Variants in FHIT observed in about 807,000 individuals in gnomAD.
FHIT encodes the protein fragile histidine triad diadenosine triphosphatase.
A neutral mutation model predicts 17.9 loss-of-function variants in FHIT; 19 were observed. The ratio of observed to expected loss-of-function variants is 1.06; its 90% CI spans 0.74 to 1.56. The LOEUF (loss-of-function observed/expected upper bound fraction) is 1.56, where lower values mean the gene tolerates loss of function less well. Among genes scored for constraint, FHIT ranks in the 40% most tolerant of loss-of-function variants. The pLI, the probability that FHIT is intolerant of heterozygous loss-of-function variation, is 0.00. For missense variants in FHIT, 248 were observed against 189.2 expected, an observed-to-expected ratio of 1.31 and a Z score of -1.82; for synonymous variants, 81 against 69.7, an observed-to-expected ratio of 1.16 and a Z score of -0.81.
At chr3:59,769,077 AAT>A (rs1400378732) in intron 8 of FHIT, among the ~76,000 whole-genome samples, 1 of 152,230 alleles carries the variant, frequency 6.6e-6, no homozygotes, top group Non-Finnish European at 1.5e-5. Context: ...CAGAAGGGCA[AAT>A]AAAAGGTATG....
chr3:61,061,923 TAC>T (rs1354676156), intron 2 of FHIT, among the ~76,000 whole-genome samples: 1 of 152,216 alleles, frequency 6.6e-6, no homozygotes, highest in Non-Finnish European at 1.5e-5. Flanking sequence ...CATTTTTGCA[TAC>T]AGACATATAT....
At chr3:60,234,082 CT>C (rs1704640072) in intron 5 of FHIT, among the ~76,000 whole-genome samples, 1 of 152,318 alleles carries the variant, frequency 6.6e-6, no homozygotes, top group East Asian at 1.9e-4. Context: ...GGGACCTTGT[CT>C]GTCCAGTTCA....
intron 2 of FHIT, among the ~76,000 whole-genome samples, chr3:61,144,524 G>A (rs1240167017): frequency 6.6e-6 from 1 of 152,148 alleles, no homozygotes; most frequent in African/African-American, 2.4e-5. Context: ...GTTTTTGTGT[G>A]GATATGTTTT....
chr3:60,934,405 A>C (rs1400046483), intron 3 of FHIT, among the ~76,000 whole-genome samples: 1 of 152,216 alleles, frequency 6.6e-6, no homozygotes, highest in Non-Finnish European at 1.5e-5. Context: ...CTTTACATCT[A>C]TTAGCCATTG....
At chr3:61,198,583 G>A (rs908594919) in intron 2 of FHIT, among the ~76,000 whole-genome samples, 2 of 152,056 alleles carry the variant, frequency 1.3e-5, no homozygotes, top group Non-Finnish European at 2.9e-5. Flanking sequence ...AATTCTTGAA[G>A]AAGCTAACTA....
chr3:60,441,097 A>G (rs1459931091), intron 5 of FHIT, among the ~76,000 whole-genome samples: 1 of 152,048 alleles, frequency 6.6e-6, no homozygotes, highest in East Asian at 1.9e-4. Flanking sequence ...AAGTCCCATA[A>G]GGTAGAACCA....
intron 1 of FHIT, among the ~76,000 whole-genome samples, chr3:61,228,000 T>G (rs1008729751): frequency 2.0e-5 from 3 of 152,290 alleles, no homozygotes; most frequent in Admixed American, 6.5e-5. Context: ...TCACCAGCAA[T>G]GACTTTAGCA....
intron 8 of FHIT, among the ~76,000 whole-genome samples, chr3:59,787,526 A>ACACACACACT (rs1205518012): frequency 1.3e-4 from 18 of 135,250 alleles, no homozygotes; most frequent in Admixed American, 9.0e-4. Context: ...ACACACACAC[A>ACACACACACT]CACGTCAAAG....
chr3:60,153,387 G>T (rs201498482), intron 5 of FHIT, among the ~76,000 whole-genome samples: 1 of 115,722 alleles, frequency 8.6e-6, no homozygotes, highest in African/African-American at 3.2e-5. Flanking sequence ...AAAAAAAAAA[G>T]AGGAGGTGGG....
intron 8 of FHIT, among the ~76,000 whole-genome samples, chr3:59,792,881 G>T (rs556912929): frequency 8.9e-5 from 13 of 145,746 alleles, no homozygotes; most frequent in Non-Finnish European, 1.7e-4. Context: ...TTGGGGGGGG[G>T]GGTCATGAAC....
chr3:61,082,557 G>A lies in FHIT; in HGVS notation c.-163-40458C>T, dbSNP rs150644758. 1.5e-3 allele frequency among the ~76,000 whole-genome samples: 234 copies of A among 152,140 alleles called. 6 individuals carry two copies. The East Asian group carries it at 0.04, about 26-fold the overall frequency. The stretch of plus-strand genomic sequence containing the variant: ...CTACGAACATTCTCACATTTTTAGC[G>A]TATATCTAGTAGAAGTGAAAGGTCA... On this transcript the variant is annotated intron_variant, in intron 2 of 9. Transcript: ENST00000492590.
chr3:60,226,198 C>T (rs943427719), intron 5 of FHIT, among the ~76,000 whole-genome samples: 8 of 152,066 alleles, frequency 5.3e-5, no homozygotes, highest in African/African-American at 1.4e-4. Context: ...GTTGGCTGGG[C>T]GCAGTGGCTC....
chr3:60,084,119 A>G (rs999738775), intron 5 of FHIT, among the ~76,000 whole-genome samples: 14 of 152,170 alleles, frequency 9.2e-5, no homozygotes, highest in Admixed American at 8.5e-4. Context: ...TTGTATAAGG[A>G]TTCATAAGTC....
chr3:60,189,633 G>A (rs1702312173), intron 5 of FHIT, among the ~76,000 whole-genome samples: 1 of 152,136 alleles, frequency 6.6e-6, no homozygotes, highest in Admixed American at 6.5e-5. Flanking sequence ...CATTTTACCT[G>A]ATAATGCGAT....
chr3:59,998,917 C>T (rs1487743646), intron 7 of FHIT, among the ~76,000 whole-genome samples: 1 of 152,142 alleles, frequency 6.6e-6, no homozygotes, highest in Non-Finnish European at 1.5e-5. Flanking sequence ...TCTATCTCAG[C>T]CCTGGTTGTC....
chr3:60,362,331 A>G (rs561809281), intron 5 of FHIT, among the ~76,000 whole-genome samples: 1 of 152,330 alleles, frequency 6.6e-6, no homozygotes, highest in African/African-American at 2.4e-5. Context: ...GCTGGTTGAT[A>G]TTGAGATACA....
chr3:60,057,148 T>C (rs2106908782), intron 5 of FHIT, among the ~76,000 whole-genome samples: 1 of 152,330 alleles, frequency 6.6e-6, no homozygotes, highest in East Asian at 1.9e-4. Flanking sequence ...TGTGAACACC[T>C]ACTAGAAGCC....
intron 8 of FHIT, among the ~76,000 whole-genome samples, chr3:59,827,967 C>G (rs1318501441): frequency 6.6e-6 from 1 of 152,130 alleles, no homozygotes; most frequent in Non-Finnish European, 1.5e-5. Context: ...ATTACAACAC[C>G]TCACATTAAA....
At chr3:61,090,749 T>G (rs1175846843) in intron 2 of FHIT, among the ~76,000 whole-genome samples, 1 of 152,210 alleles carries the variant, frequency 6.6e-6, no homozygotes, top group African/African-American at 2.4e-5. Context: ...TAGAATTATA[T>G]CTAAGGACTG....
Sources: allele counts gnomAD v4.1 joint callset (sites outside exome capture counted in the v4.1 genomes callset), GRCh38; gene constraint gnomAD v4.1.1; transcripts MANE v1.5; gene names NCBI Gene and HGNC (gene_info 2026-07-23, HGNC 2026-07-21).